OPHN1: variants seen among roughly 807,000 people sequenced by gnomAD.
OPHN1 encodes oligophrenin-1.
A neutral mutation model predicts 60.7 loss-of-function variants in OPHN1; 11 were observed. That is an observed-to-expected ratio of 0.18 (90% confidence interval 0.11 to 0.30). The LOEUF (loss-of-function observed/expected upper bound fraction) is 0.30, where lower values mean the gene tolerates loss of function less well. Ranked by LOEUF, OPHN1 falls within the 10% of genes least tolerant of loss-of-function variation. The pLI is 1.00. For missense variants in OPHN1, 449 were observed against 611.0 expected, an observed-to-expected ratio of 0.73 and a Z score of 2.80; for synonymous variants, 226 against 222.6, an observed-to-expected ratio of 1.02 and a Z score of -0.14.
chrX:68,416,428 G>A (rs191756948), intron 2 of OPHN1, among the ~76,000 whole-genome samples: 187 of 110,968 alleles, frequency 1.7e-3, no homozygotes, highest in Admixed American at 3.8e-3. Flanking sequence ...AAAGGAGTTC[G>A]TGACCAAATA....
chrX:68,378,529 A>T (rs768224854), intron 2 of OPHN1, among the ~76,000 whole-genome samples: 6 of 111,784 alleles, frequency 5.4e-5, no homozygotes, highest in Admixed American at 9.6e-5. Flanking sequence ...CTGAATGGTA[A>T]TGCCTAGGTT....
chrX:68,337,814 A>G (rs1452559887), intron 2 of OPHN1, among the ~76,000 whole-genome samples: 8 of 107,430 alleles, frequency 7.4e-5, no homozygotes, highest in Non-Finnish European at 1.5e-4. Flanking sequence ...AAAAAAAAAG[A>G]CAATGGAAAT....
intron 15 of OPHN1, among the ~76,000 whole-genome samples, chrX:68,161,570 C>T (rs1037586469): frequency 9.0e-6 from 1 of 110,648 alleles, no homozygotes; most frequent in Non-Finnish European, 1.9e-5. Context: ...TATTAAAAAA[C>T]AGAAAATAAA....
intron 6 of OPHN1, 89 bp downstream of exon 6, chrX:68,234,398 G>C: frequency 1.4e-6 from 1 of 715,956 alleles, no homozygotes; most frequent in East Asian, 3.2e-5. Flanking sequence ...GCTGAGACGG[G>C]GTATGGGAAA....
intron 15 of OPHN1, among the ~76,000 whole-genome samples, chrX:68,190,892 A>G (rs1416541879): frequency 8.9e-6 from 1 of 111,893 alleles, no homozygotes; most frequent in Non-Finnish European, 1.9e-5. Flanking sequence ...CAAATTTTTA[A>G]AAGTCAAGAA....
rs769419667 is a variant in OPHN1, at chrX:68,298,677, T to C, written c.250+324A>G. Among the ~76,000 whole-genome samples the C allele has an allele frequency of 2.0e-3, 219 of 112,244 alleles. 1 individual carries two copies. The highest frequency in any genetic ancestry group is 6.5e-3 in the African/African-American group (202 of 31,012). On this transcript the variant is annotated intron_variant, in intron 3 of 24. Transcript: ENST00000355520. ...CCTTAGAAGAATCTAACTCCAACCA[T>C]TTTGGGAAATAAACCAAAAAAGTCC...
chrX:68,145,831 T>C (rs1425439880), intron 15 of OPHN1, among the ~76,000 whole-genome samples: 1 of 112,395 alleles, frequency 8.9e-6, no homozygotes, highest in Admixed American at 9.4e-5. Flanking sequence ...TTACACATGT[T>C]TGATACATCT....
chrX:68,177,841 C>T (rs1482964277), intron 15 of OPHN1, among the ~76,000 whole-genome samples: 1 of 111,795 alleles, frequency 8.9e-6, no homozygotes, highest in Non-Finnish European at 1.9e-5. Context: ...CTAGGCCCCA[C>T]CTCCAACATT....
At chrX:68,293,110 T>C (rs2078078069) in intron 3 of OPHN1, among the ~76,000 whole-genome samples, 1 of 111,989 alleles carries the variant, frequency 8.9e-6, no homozygotes, top group Non-Finnish European at 1.9e-5. Context: ...TTAAATACAA[T>C]CTTTTACATT....
chrX:68,158,718 A>C (rs1229583578), intron 15 of OPHN1, among the ~76,000 whole-genome samples: 1 of 111,740 alleles, frequency 8.9e-6, no homozygotes, highest in African/African-American at 3.3e-5. Context: ...GGGGCAGCCA[A>C]AAACCAAGGG....
chrX:68,045,002 T>C lies in OPHN1; in HGVS notation c.*2170A>G, dbSNP rs186058079. ...TTCTTTAAAGGGACTGTGGCCCTAT[T>C]AGCCATGCTTTCATGGCCAAAATCT... On this transcript the variant is annotated 3_prime_UTR_variant, in exon 25 of 25. Transcript: ENST00000355520. 4.5e-5 allele frequency: 5 copies of C among 111,933 alleles called. No homozygotes were observed. The Admixed American group carries it at 4.7e-4, about 11-fold the overall frequency. 9.2% of individuals were successfully genotyped at this position (111,933 alleles called of 1,213,427 possible).
chrX:68,084,884 T>C (rs2076989646), intron 19 of OPHN1, among the ~76,000 whole-genome samples: 1 of 112,100 alleles, frequency 8.9e-6, no homozygotes, highest in African/African-American at 3.2e-5. Flanking sequence ...GAGAAAAGTC[T>C]AGAAAAGCAA....
intron 2 of OPHN1, among the ~76,000 whole-genome samples, chrX:68,320,051 T>C (rs2078228081): frequency 1.8e-5 from 2 of 110,789 alleles, no homozygotes; most frequent in Non-Finnish European, 3.8e-5. Context: ...TCAGTAAACA[T>C]AAAGAATAGA....
At chrX:68,049,757 C>T (rs1397727392) in intron 23 of OPHN1, among the ~76,000 whole-genome samples, 2 of 111,960 alleles carry the variant, frequency 1.8e-5, no homozygotes, top group African/African-American at 6.5e-5. Context: ...GATCTGGCTC[C>T]AATCCATCTT....
At chrX:68,212,807 T>C (rs2077590712) in intron 7 of OPHN1, among the ~76,000 whole-genome samples, 1 of 112,260 alleles carries the variant, frequency 8.9e-6, no homozygotes, top group Admixed American at 9.4e-5. Flanking sequence ...ATTTGAACAG[T>C]ATGTAAATGA....
At chrX:68,048,142 A>G (rs1054237760) in intron 24 of OPHN1, among the ~76,000 whole-genome samples, 1 of 112,117 alleles carries the variant, frequency 8.9e-6, no homozygotes, top group Non-Finnish European at 1.9e-5. Flanking sequence ...AGGATTCTTA[A>G]TAAATTTGAT....
At chrX:68,160,389 A>G (rs1020962936) in intron 15 of OPHN1, among the ~76,000 whole-genome samples, 4 of 111,477 alleles carry the variant, frequency 3.6e-5, no homozygotes, top group Non-Finnish European at 7.6e-5. Flanking sequence ...CAGAAGATGA[A>G]TAGGAAATAG....
chrX:68,157,719 C>A (rs1438051721), intron 15 of OPHN1, among the ~76,000 whole-genome samples: 1 of 108,653 alleles, frequency 9.2e-6, no homozygotes, highest in Non-Finnish European at 1.9e-5. Context: ...AAATAAATAA[C>A]AAAATAAAAT....
chrX:68,202,876 C>G (rs1298511252), intron 10 of OPHN1, among the ~76,000 whole-genome samples: 1 of 111,739 alleles, frequency 8.9e-6, no homozygotes, highest in Non-Finnish European at 1.9e-5. Flanking sequence ...GCAGCATACC[C>G]AAAGTCATCC....
Sources: allele counts gnomAD v4.1 joint callset (sites outside exome capture counted in the v4.1 genomes callset), GRCh38; gene constraint gnomAD v4.1.1; transcripts MANE v1.5; gene names NCBI Gene and HGNC (gene_info 2026-07-23, HGNC 2026-07-21).